PHTF2: variants seen among roughly 807,000 people sequenced by gnomAD.
PHTF2 encodes protein PHTF2.
A neutral mutation model predicts 101.2 loss-of-function variants in PHTF2; 60 were observed. The observed-to-expected ratio is 0.59, with a 90% CI of 0.48 to 0.73. PHTF2 has a LOEUF of 0.73. PHTF2 is among the 30% of genes least tolerant of loss of function. PHTF2 has a pLI of 0.00. For missense variants in PHTF2, 747 were observed against 908.7 expected (o/e 0.82, Z 2.29); for synonymous variants, 311 against 307.3 (o/e 1.01, Z -0.13).
intron 9 of PHTF2, among the ~76,000 whole-genome samples, chr7:77,919,098 A>C (rs1257279798): frequency 6.6e-6 from 1 of 152,180 alleles, no homozygotes; most frequent in Non-Finnish European, 1.5e-5. Context: ...AATAGTCAGA[A>C]GGTCTGTACT....
At chr7:77,910,358 G>A (rs1223213966) in exon 9 of PHTF2, 10 of 1,613,808 alleles carry the variant, frequency 6.2e-6, no homozygotes, top group African/African-American at 1.3e-5. Context: ...ACCTCTCACA[G>A]CGTTGGCACT....
At chr7:77,822,904 C>CTT (rs35785317) in intron 1 of PHTF2, among the ~76,000 whole-genome samples, 11 of 118,438 alleles carry the variant, frequency 9.3e-5, no homozygotes, top group East Asian at 2.2e-4. Context: ...ATATTTAAAT[C>CTT]TTTTTTTTTT....
chr7:77,868,323 T>A (rs4428602), intron 3 of PHTF2, among the ~76,000 whole-genome samples: 1,213 of 44,382 alleles, frequency 0.027, 4 homozygotes, highest in Non-Finnish European at 0.04. Flanking sequence ...TAAAAAAAAA[T>A]TTTTTTTTTT....
chr7:77,852,464 G>A (rs529370153), intron 2 of PHTF2, among the ~76,000 whole-genome samples: 4 of 152,236 alleles, frequency 2.6e-5, no homozygotes, highest in African/African-American at 7.2e-5. Context: ...ACTTAATACC[G>A]ATTGCAAAAA....
At chr7:77,882,325 C>G (rs921577578) in intron 3 of PHTF2, among the ~76,000 whole-genome samples, 1 of 151,610 alleles carries the variant, frequency 6.6e-6, no homozygotes, top group East Asian at 1.9e-4. Context: ...TGAAAAGTCA[C>G]ATTGTCCCCC....
At chr7:77,944,161 T>C (rs1352015558) in intron 16 of PHTF2, among the ~76,000 whole-genome samples, 3 of 152,220 alleles carry the variant, frequency 2.0e-5, no homozygotes, top group Admixed American at 2.0e-4. Context: ...GCATTAATGC[T>C]ATGGCAGCAT....
intron 1 of PHTF2, among the ~76,000 whole-genome samples, chr7:77,806,863 A>G (rs1187208942): frequency 6.6e-6 from 1 of 152,080 alleles, no homozygotes; most frequent in Non-Finnish European, 1.5e-5. Context: ...TTTTGAGTAA[A>G]AAAACTACTT....
intron 1 of PHTF2, among the ~76,000 whole-genome samples, chr7:77,808,158 A>G (rs1793139815): frequency 6.6e-6 from 1 of 152,122 alleles, no homozygotes; most frequent in Non-Finnish European, 1.5e-5. Flanking sequence ...TGCTTTGGCT[A>G]TTTGGGGTCC....
In PHTF2 at chr7:77,821,436, T is replaced by C. The variant is rs1376602184; in HGVS notation, c.-35-18785T>C. The stretch of plus-strand genomic sequence containing the variant: ...TCATTAAATATGTTTCCTTACCTTT[T>C]CCCTTCTCTTCTGCTTGGCTGGCCT... On this transcript the variant is annotated intron_variant, in intron 1 of 19. Transcript: ENST00000416283. Among the ~76,000 whole-genome samples the C allele has an allele frequency of 3.3e-5, 5 of 152,092 alleles. No homozygotes were observed. In the East Asian group the frequency reaches 9.7e-4, roughly 29 times the overall value.
intron 11 of PHTF2, among the ~76,000 whole-genome samples, chr7:77,926,262 AG>A (rs1477550880): frequency 1.3e-5 from 2 of 152,358 alleles, no homozygotes; most frequent in East Asian, 3.9e-4. Flanking sequence ...AATTATTAAA[AG>A]CTTAATGTGT....
At chr7:77,816,941 A>G (rs184377118) in intron 1 of PHTF2, among the ~76,000 whole-genome samples, 65 of 152,156 alleles carry the variant, frequency 4.3e-4, no homozygotes, top group African/African-American at 1.5e-3. Flanking sequence ...CTGTCTGTAG[A>G]CCCCATTTTC....
At position 77,925,280 on chromosome 7, in the gene PHTF2, T is replaced by A. The variant is rs574673788; in HGVS notation, c.1119+2502T>A. 7.2e-4 allele frequency among the ~76,000 whole-genome samples: 109 copies of A among 152,240 alleles called. No homozygotes were observed. The South Asian group carries it at 7.9e-3, about 11-fold the overall frequency. On this transcript the variant is annotated intron_variant, in intron 11 of 19. Coordinates refer to ENST00000416283, the Ensembl canonical transcript of PHTF2. ...AAATAAATACTATGTGTTCTCTAAA[T>A]CTCATTATATGTTCAGTTTTAGGCG...
chr7:77,803,200 C>G (rs1383293341), intron 1 of PHTF2, among the ~76,000 whole-genome samples: 1 of 151,958 alleles, frequency 6.6e-6, no homozygotes, highest in African/African-American at 2.4e-5. Context: ...TGAACCACTA[C>G]CTGATAATAA....
intron 9 of PHTF2, among the ~76,000 whole-genome samples, chr7:77,910,649 C>CT (rs147815732): frequency 0.011 from 1,668 of 147,676 alleles, 8 homozygotes; most frequent in Middle Eastern, 0.028. Context: ...CTAGGATTTC[C>CT]TTTTTTTTTT....
At chr7:77,873,717 C>G (rs574622423) in intron 3 of PHTF2, among the ~76,000 whole-genome samples, 3 of 152,172 alleles carry the variant, frequency 2.0e-5, no homozygotes, top group Admixed American at 2.0e-4. Context: ...AAAAAAGATT[C>G]ATCAGAATTT....
intron 3 of PHTF2, among the ~76,000 whole-genome samples, chr7:77,858,301 A>C (rs1797341621): frequency 6.6e-6 from 1 of 152,208 alleles, no homozygotes; most frequent in African/African-American, 2.4e-5. Context: ...CTGTAGCCTA[A>C]ATAATTTGGG....
chr7:77,859,534 G>A (rs1170397497), intron 3 of PHTF2, among the ~76,000 whole-genome samples: 1 of 151,064 alleles, frequency 6.6e-6, no homozygotes, highest in Non-Finnish European at 1.5e-5. Context: ...TTGCAAAACA[G>A]GAAGTGAGAA....
At chr7:77,932,040 G>T (rs182650304) in intron 12 of PHTF2, among the ~76,000 whole-genome samples, 4 of 152,252 alleles carry the variant, frequency 2.6e-5, no homozygotes, top group Non-Finnish European at 2.9e-5. Flanking sequence ...GCAGGGCTTA[G>T]CAGTGAGCTG....
At chr7:77,803,251 A>G (rs1792701373) in intron 1 of PHTF2, among the ~76,000 whole-genome samples, 1 of 152,216 alleles carries the variant, frequency 6.6e-6, no homozygotes, top group African/African-American at 2.4e-5. Flanking sequence ...AGAGGAAGTA[A>G]AGGGAAAAGT....
Sources: allele counts gnomAD v4.1 joint callset (sites outside exome capture counted in the v4.1 genomes callset), GRCh38; gene constraint gnomAD v4.1.1; transcripts MANE v1.5; gene names NCBI Gene and HGNC (gene_info 2026-07-23, HGNC 2026-07-21).